Variants in ZNF728 observed in about 807,000 individuals in gnomAD.
ZNF728 encodes the protein zinc finger protein 728.
ZNF728 carries 12 observed loss-of-function variants against 12.5 expected under a neutral mutation model. The ratio of observed to expected loss-of-function variants is 0.96; its 90% confidence interval spans 0.61 to 1.55. ZNF728 has a LOEUF of 1.55. ZNF728 is among the 40% of genes most tolerant of loss of function. The probability of loss-of-function intolerance (pLI) is 0.00; values close to 1 mark genes in which losing one functional copy is unlikely to be tolerated. For synonymous variants in ZNF728, 205 were observed against 240.7 expected, an observed-to-expected ratio of 0.85 and a Z score of 1.37; for missense variants, 692 against 719.2, an observed-to-expected ratio of 0.96 and a Z score of 0.43.
At chr19:22,983,571 G>A (rs1309214065) in intron 3 of ZNF728, among the ~76,000 whole-genome samples, 1 of 152,120 alleles carries the variant, frequency 6.6e-6, no homozygotes, top group African/African-American at 2.4e-5. Flanking sequence ...GTTTATTGCA[G>A]CACTATTCAC....
intron 3 of ZNF728, among the ~76,000 whole-genome samples, chr19:22,986,944 G>GA: frequency 6.6e-6 from 1 of 152,080 alleles, no homozygotes; most frequent in East Asian, 1.9e-4. Flanking sequence ...AGAGATGATG[G>GA]AAAAAGAGAA....
rs542731616 is a variant in ZNF728, at chr19:22,976,759, C to A, written c.578G>T (p.Arg193Ile). ...GTAGGAATTCTCTCTAGTATAAATT[C>A]TTTTATGTTGAGATAGGTGTGAAAG... ...CMLSHLSQHK[R>I]IYTRENSYKS... Residue 193 changes from arginine (R) to isoleucine (I), a missense_variant, in exon 4 of 4, where the codon AGA becomes ATA. Transcript: ENST00000594710. 1.2e-6 allele frequency: 2 copies of A among 1,613,410 alleles called. No individual in the cohort carries two copies. The highest frequency in any genetic ancestry group is 1.3e-5 in the African/African-American group (1 of 75,050).
chr19:22,992,903 C>T (rs1289005588), intron 1 of ZNF728, among the ~76,000 whole-genome samples: 1 of 152,142 alleles, frequency 6.6e-6, no homozygotes, highest in African/African-American at 2.4e-5. Flanking sequence ...AGAGAAGACT[C>T]GGGATGATTC....
intron 1 of ZNF728, 36 bp from the exon 2 acceptor site, chr19:22,988,487 T>C (rs1472057118): frequency 6.2e-7 from 1 of 1,609,312 alleles, no homozygotes; most frequent in African/African-American, 1.3e-5. Context: ...ATTTACCAAG[T>C]GGTCATGGGC....
rs1968777268 is a variant in ZNF728 at position 22,974,955 on chromosome 19, T to C, written c.*513A>G. 6.6e-6 allele frequency among the ~76,000 whole-genome samples: 1 copy of C among 152,208 alleles called. No individual in the cohort carries two copies. The highest frequency in any genetic ancestry group is 1.5e-5 in the Non-Finnish European group (1 of 68,034). On this transcript the variant is annotated 3_prime_UTR_variant, in exon 4 of 4. Coordinates refer to ENST00000594710, the MANE Select transcript of ZNF728 (RefSeq NM_001267716.2). The stretch of plus-strand genomic sequence containing the variant: ...ATTAGGCATGAGCATTGGTTAAATG[T>C]TTTGCCACATTGTTTATTCTAGTAG...
At chr19:22,982,118 A>G (rs1310465786) in intron 3 of ZNF728, among the ~76,000 whole-genome samples, 1 of 151,950 alleles carries the variant, frequency 6.6e-6, no homozygotes, top group East Asian at 1.9e-4. Context: ...CATGATTTAG[A>G]AAACCCCATT....
chr19:22,977,264 C>T (rs535213994), intron 3 of ZNF728, among the ~76,000 whole-genome samples, 154 bp from the exon 4 acceptor site: 68 of 152,218 alleles, frequency 4.5e-4, no homozygotes, highest in African/African-American at 1.6e-3. Context: ...GTAATAAAAG[C>T]ATACAGACCA....
Position 22,975,430 on chromosome 19 carries a change from T to C in ZNF728, c.*38A>G. ...CCTGTATAAATACCCTTATGTTCAG[T>C]AAGGGTTAAGAACTAATTGAAAGCT... On this transcript the variant is annotated 3_prime_UTR_variant, in exon 4 of 4. Coordinates refer to ENST00000594710, the MANE Select transcript of ZNF728 (RefSeq NM_001267716.2). The C allele has an allele frequency of 2.0e-6, 3 of 1,494,842 alleles. No homozygotes were observed. The highest frequency in any genetic ancestry group is 1.8e-6 in the Non-Finnish European group (2 of 1,118,612). 92.6% of individuals were successfully genotyped at this position (1,494,842 alleles called of 1,614,324 possible). A position where few individuals can be genotyped will look rare whatever the true frequency, so the allele number is the denominator to read the frequency against.
At position 22,975,405 on chromosome 19, in the gene ZNF728, C is replaced by T. The variant is rs144114475; in HGVS notation, c.*63G>A. ...TTCTTCACATTTGTAGGGTTTCCCT[C>T]CTGTATAAATACCCTTATGTTCAGT... On this transcript the variant is annotated 3_prime_UTR_variant, in exon 4 of 4. Coordinates refer to ENST00000594710, the MANE Select transcript of ZNF728 (RefSeq NM_001267716.2). The T allele has an allele frequency of 2.7e-3, 3,937 of 1,436,394 alleles. 88 individuals are homozygous for T. In the African/African-American group the frequency reaches 0.049, roughly 18 times the overall value. 89.0% of individuals were successfully genotyped at this position (1,436,394 alleles called of 1,614,324 possible).
chr19:22,987,541 T>C (rs1402483162), intron 2 of ZNF728, 138 bp from the exon 3 acceptor site: 3 of 870,568 alleles, frequency 3.4e-6, no homozygotes, highest in Non-Finnish European at 4.7e-6. Flanking sequence ...CAGAAATTTC[T>C]AAATATTTAG....
In ZNF728 at chr19:22,976,253, G is replaced by T; in HGVS notation, c.1084C>A (p.His362Asn). The change falls in exon 4 of 4, where the codon CAT (histidine) becomes AAT (asparagine). Residue 362 changes from histidine (H) to asparagine (N), a missense_variant. By Grantham distance (68) the His-to-Asn change is moderately conservative (BLOSUM62 1). This residue lies in a region of ZNF728 where 440 missense variants were observed against 459.6 expected (regional missense o/e 0.96). Coordinates refer to ENST00000594710, the MANE Select transcript of ZNF728 (RefSeq NM_001267716.2). ...FSTLTKHKVI[H>N]TGEKPYKCEE... ...CATTTGTAGGGTTTCTCTCCAGTATGAATTACCTTATGTTTAGTAAGGGTT... is the reference window on the plus strand; with the variant it reads ...CATTTGTAGGGTTTCTCTCCAGTATTAATTACCTTATGTTTAGTAAGGGTT... 6.2e-7 allele frequency: 1 copy of T among 1,613,258 alleles called. No individual in the cohort carries two copies.
rs775566319 is a variant in ZNF728 at position 22,976,447 on chromosome 19, G to A, written c.890C>T (p.Ser297Leu). 6.2e-7 allele frequency: 1 copy of A among 1,613,004 alleles called. No individual in the cohort carries two copies. ...AATTGTCTTATGTGCAGTAAGGGTT[G>A]AGGCCTTACTAAAGGCTTTGCCACA... ...EECGKAFSKA[S>L]TLTAHKTIHA... The change falls in exon 4 of 4, where the codon TCA becomes TTA. Residue 297 changes from serine to leucine, a missense_variant. Physicochemically the swap from Ser to Leu is moderately radical, Grantham distance 145. Around this residue, in one of 3 missense-constraint regions of ZNF728, gnomAD observed 440 missense variants for 459.6 expected, o/e 0.96. Transcript: ENST00000594710.
At chr19:23,002,630 A>G (rs913402172) in intron 1 of ZNF728, among the ~76,000 whole-genome samples, 6 of 152,108 alleles carry the variant, frequency 3.9e-5, no homozygotes, top group African/African-American at 1.2e-4. Context: ...ACTTCTGCAA[A>G]TTTTTAATAG....
At chr19:22,988,578 C>T in intron 1 of ZNF728, 127 bp from the exon 2 acceptor site, 1 of 1,359,690 alleles carries the variant, frequency 7.4e-7, no homozygotes, top group East Asian at 2.3e-5. Flanking sequence ...TGAAATCATT[C>T]AATAAAATAG....
chr19:22,999,969 T>C (rs1969089226), intron 1 of ZNF728, among the ~76,000 whole-genome samples: 2 of 152,240 alleles, frequency 1.3e-5, no homozygotes, highest in Admixed American at 6.5e-5. Context: ...AATACATTAA[T>C]TCTCTACAGC....
intron 1 of ZNF728, among the ~76,000 whole-genome samples, chr19:22,993,797 T>C (rs140938612): frequency 2.0e-5 from 3 of 152,190 alleles, no homozygotes; most frequent in African/African-American, 4.8e-5. Context: ...TTTCAAGAGA[T>C]ACATAGCTGA....
intron 3 of ZNF728, among the ~76,000 whole-genome samples, chr19:22,982,078 G>A (rs999030531): frequency 2.0e-5 from 3 of 152,164 alleles, no homozygotes; most frequent in African/African-American, 7.2e-5. Flanking sequence ...TAGGAAAAGA[G>A]GAAGTCACAC....
chr19:22,997,920 A>C (rs1445260240), intron 1 of ZNF728, among the ~76,000 whole-genome samples: 1 of 152,074 alleles, frequency 6.6e-6, no homozygotes, highest in Non-Finnish European at 1.5e-5. Context: ...ACAAGCATAT[A>C]AAAAAATGCT....
Position 22,977,103 on chromosome 19 carries a change from A to C in ZNF728, c.234T>G (p.Cys78Trp). The change falls in exon 4 of 4, where the codon TGT becomes TGG. Residue 78 changes from cysteine to tryptophan, a missense_variant. Physicochemically the swap from Cys to Trp is radical, Grantham distance 215. Coordinates refer to ENST00000594710, the MANE Select transcript of ZNF728 (RefSeq NM_001267716.2). Reference sequence around the variant, plus strand: ...GCCAAAGGTCTTGAGCAAAATGAGAACATATAACTGAAAAGAAATAAAAAT... The same window carrying C: ...GCCAAAGGTCTTGAGCAAAATGAGACCATATAACTGAAAAGAAATAAAAAT... The part of the protein sequence containing the change: ...HELVKEPPVI[C>W]SHFAQDLWPE... 4 of 1,557,716 alleles carry C rather than the reference A, an allele frequency of 2.6e-6. No homozygotes were observed. The highest frequency in any genetic ancestry group is 3.5e-6 in the Non-Finnish European group (4 of 1,157,932).
Sources: gnomAD v4.1 joint callset for allele counts (sites outside exome capture counted in the v4.1 genomes callset) on GRCh38, gnomAD v4.1.1 for gene constraint, gnomAD v4.1.1 regional missense constraint, MANE v1.5 for transcripts, NCBI Gene and HGNC (gene_info 2026-07-23, HGNC 2026-07-21) for gene names.